EMG1: variants seen among roughly 807,000 people sequenced by gnomAD.
EMG1 encodes ribosomal RNA small subunit methyltransferase NEP1.
Under a neutral mutation model 26.9 loss-of-function variants are expected in EMG1, and 24 were observed. The ratio of observed to expected loss-of-function variants is 0.89; its 90% CI spans 0.65 to 1.26. EMG1 has a LOEUF of 1.26. EMG1 is among the 50% of genes most tolerant of loss of function. The pLI is 0.00. For synonymous variants in EMG1, 140 were observed against 112.6 expected (o/e 1.24, Z -1.54); for missense variants, 299 against 307.6 (o/e 0.97, Z 0.21).
Position 6,977,370 on chromosome 12 carries a change from A to G in EMG1, c.*1561A>G, listed in dbSNP as rs1555153393. The G allele has an allele frequency of 5.6e-6, 9 of 1,614,224 alleles. No individual in the cohort carries two copies. The highest frequency in any genetic ancestry group is 8.5e-7 in the Non-Finnish European group (1 of 1,180,038). On this transcript the variant is annotated 3_prime_UTR_variant, in exon 6 of 6. Coordinates refer to ENST00000599672, the MANE Select transcript of EMG1 (RefSeq NM_006331.8). The surrounding 1 kb of genome is among the most constrained non-coding windows in gnomAD (Gnocchi z 4.5). ...TCACAAGCAGGCCTTCACTTGCCTTAAGCCATTTGTCCCACGTGAAGAGGC... is the reference window on the plus strand; with the variant it reads ...TCACAAGCAGGCCTTCACTTGCCTTGAGCCATTTGTCCCACGTGAAGAGGC...
chr12:6,994,992 G>A (rs1290261224), intron 7 of EMG1, among the ~76,000 whole-genome samples: 1 of 152,052 alleles, frequency 6.6e-6, no homozygotes, highest in Non-Finnish European at 1.5e-5. Flanking sequence ...CACATCTTTA[G>A]TTCTAACTTC....
chr12:6,992,541 T>C (rs968861000), downstream of EMG1, among the ~76,000 whole-genome samples: 1 of 152,196 alleles, frequency 6.6e-6, no homozygotes, highest in Non-Finnish European at 1.5e-5. Flanking sequence ...TACATCTTAG[T>C]AGTATCATGA....
downstream of EMG1, among the ~76,000 whole-genome samples, chr12:6,984,649 C>T (rs113786139): frequency 2.5e-3 from 379 of 152,322 alleles, 3 homozygotes; most frequent in African/African-American, 8.1e-3. Context: ...TGCAGTGGCA[C>T]GATCATCGCT....
At chr12:6,992,917 C>T (rs1395655079), downstream of EMG1, among the ~76,000 whole-genome samples, 1 of 152,182 alleles carries the variant, frequency 6.6e-6, no homozygotes, top group Non-Finnish European at 1.5e-5. Flanking sequence ...CTGGATTACT[C>T]ATAATACCTA....
At chr12:6,983,177 C>A, downstream of EMG1, 1 of 459,176 alleles carries the variant, frequency 2.2e-6, no homozygotes, top group South Asian at 2.1e-5. Flanking sequence ...ATCCACAGCA[C>A]AGAGAAACTG....
chr12:6,972,456 T>C (rs1021936470), intron 1 of EMG1, among the ~76,000 whole-genome samples: 1 of 152,364 alleles, frequency 6.6e-6, no homozygotes, highest in Non-Finnish European at 1.5e-5. Flanking sequence ...GCTAGACATA[T>C]ACATTCCAGT....
chr12:6,989,896 G>C (rs1291093392), downstream of EMG1, among the ~76,000 whole-genome samples: 1 of 152,186 alleles, frequency 6.6e-6, no homozygotes, highest in Admixed American at 6.5e-5. Flanking sequence ...AATTTGGCTG[G>C]GAGTGGTGGC....
At chr12:6,973,072 T>A (rs935011337) in intron 1 of EMG1, among the ~76,000 whole-genome samples, 49 of 151,490 alleles carry the variant, frequency 3.2e-4, no homozygotes, top group Non-Finnish European at 6.6e-4. Context: ...ATTCCTGGGC[T>A]CAAGTGATCC....
At chr12:6,972,077 T>C (rs1448576569) in intron 1 of EMG1, among the ~76,000 whole-genome samples, 3 of 150,462 alleles carry the variant, frequency 2.0e-5, no homozygotes, top group Non-Finnish European at 4.4e-5. Context: ...TTTTTTTTTT[T>C]TTTTTTTTTG....
At position 6,976,431 on chromosome 12, in the gene EMG1, G is replaced by GTT. The variant is rs1214150583; in HGVS notation, c.*624_*625dup. 6.5e-6 allele frequency: 1 copy of GTT among 153,422 alleles called. No individual in the cohort carries two copies. The highest frequency in any genetic ancestry group is 1.5e-5 in the Non-Finnish European group (1 of 68,752). The allele number at this position is 153,422 out of a possible 1,614,324, so 9.5% of individuals were successfully genotyped here. On this transcript the variant is annotated 3_prime_UTR_variant, in exon 6 of 6. Coordinates refer to ENST00000599672, the MANE Select transcript of EMG1 (RefSeq NM_006331.8). ...GAGCCCCTCTGCTCCTCCCACAAGA[G>GTT]TTTCCCCTTTGGGCCGGGCACGGTG...
intron 1 of EMG1, 26 bp downstream of exon 1, chr12:6,971,117 G>A: frequency 4.4e-6 from 7 of 1,595,280 alleles, no homozygotes; most frequent in African/African-American, 1.3e-5. Context: ...AAGTGGAGAA[G>A]TAGTAAATCG....
chr12:6,996,146 C>T (rs1327983286), intron 7 of EMG1, among the ~76,000 whole-genome samples: 3 of 152,294 alleles, frequency 2.0e-5, no homozygotes, highest in Middle Eastern at 3.4e-3. Flanking sequence ...ATCTCTCAAT[C>T]TGGCCTCTAC....
rs782465819 is a variant in EMG1, at chr12:6,978,170, T to C, written c.*2361T>C. 1.2e-5 allele frequency: 9 copies of C among 724,338 alleles called. No individual in the cohort carries two copies. The Admixed American group carries it at 2.2e-4, about 18-fold the overall frequency. The allele number at this position is 724,338 out of a possible 1,614,324, so 44.9% of individuals were successfully genotyped here. A position where few individuals can be genotyped will look rare whatever the true frequency, so the allele number is the denominator to read the frequency against. ...GCCTTTTTTTCAAATATGACAGTAATGGTTTTTTTGGGAGGGGGGTATAGG... is the reference window on the plus strand; with the variant it reads ...GCCTTTTTTTCAAATATGACAGTAACGGTTTTTTTGGGAGGGGGGTATAGG... On this transcript the variant is annotated 3_prime_UTR_variant, in exon 6 of 6. Transcript: ENST00000599672.
downstream of EMG1, among the ~76,000 whole-genome samples, chr12:6,990,524 A>T (rs1483223983): frequency 7.6e-6 from 1 of 131,044 alleles, no homozygotes; most frequent in Non-Finnish European, 1.6e-5. Context: ...GAAAATTAAA[A>T]TAAAATAAAT....
chr12:6,990,980 TA>T (rs1348207447), downstream of EMG1, among the ~76,000 whole-genome samples: 1 of 148,870 alleles, frequency 6.7e-6, no homozygotes, highest in Non-Finnish European at 1.5e-5. Context: ...ATTAATTCAG[TA>T]AAAATATTAA....
chr12:6,983,277 A>G, downstream of EMG1: 1 of 621,434 alleles, frequency 1.6e-6, no homozygotes, highest in East Asian at 2.7e-5. Flanking sequence ...AAAAAAAGGA[A>G]AAGTTAAGCT....
At chr12:6,983,320 G>A (rs1285205139), downstream of EMG1, 1 of 700,462 alleles carries the variant, frequency 1.4e-6, no homozygotes, top group Non-Finnish European at 2.5e-6. Flanking sequence ...CTTTGCAAGT[G>A]GGAGCATTAT....
downstream of EMG1, chr12:6,981,673 G>A (rs1555154098): frequency 3.2e-6 from 5 of 1,556,504 alleles, no homozygotes; most frequent in Admixed American, 1.7e-5. Flanking sequence ...GGTGGGAGAG[G>A]ACACTGAGGA....
chr12:6,996,535 T>C (rs782402235), intron 7 of EMG1, among the ~76,000 whole-genome samples: 1 of 152,334 alleles, frequency 6.6e-6, no homozygotes, highest in South Asian at 2.1e-4. Flanking sequence ...CAGTGCATAG[T>C]ACAGTTCCTG....
Sources: gnomAD v4.1 joint callset for allele counts (sites outside exome capture counted in the v4.1 genomes callset) on GRCh38, gnomAD v4.1.1 for gene constraint, Gnocchi (gnomAD v3.1) non-coding constraint, MANE v1.5 for transcripts, NCBI Gene and HGNC (gene_info 2026-07-23, HGNC 2026-07-21) for gene names.